TMOD3: variants seen among roughly 807,000 people sequenced by gnomAD.
The protein encoded by TMOD3 is tropomodulin-3.
TMOD3 carries 20 observed loss-of-function variants against 39.2 expected under a neutral mutation model. The observed-to-expected ratio is 0.51, with a 90% CI of 0.36 to 0.74. The LOEUF is 0.74. Ranked by LOEUF, TMOD3 falls within the 30% of genes least tolerant of loss-of-function variation. The pLI, the probability that TMOD3 is intolerant of heterozygous loss-of-function variation, is 0.00. For synonymous variants in TMOD3, 143 were observed against 145.8 expected (o/e 0.98, Z 0.14); for missense variants, 381 against 412.8 (o/e 0.92, Z 0.67).
intron 9 of TMOD3, among the ~76,000 whole-genome samples, chr15:51,908,548 C>G (rs2056693635): frequency 6.7e-6 from 1 of 150,036 alleles, no homozygotes; most frequent in Admixed American, 6.7e-5. Context: ...GCATGTAATT[C>G]TTTTGTTGAA....
intron 4 of TMOD3, 141 bp from the exon 5 acceptor site, chr15:51,888,915 T>C: frequency 1.7e-6 from 1 of 581,790 alleles, no homozygotes; most frequent in Non-Finnish European, 3.1e-6. Context: ...TGATTTTTAA[T>C]CATTTTGTTT....
At chr15:51,863,115 C>G in intron 2 of TMOD3, 105 bp downstream of exon 2, 2 of 1,182,566 alleles carry the variant, frequency 1.7e-6, no homozygotes, top group Non-Finnish European at 2.4e-6. Context: ...ACCTTCCACC[C>G]TTTCCTCCAC....
intron 2 of TMOD3, among the ~76,000 whole-genome samples, chr15:51,866,048 A>G (rs183197682): frequency 3.3e-5 from 5 of 152,328 alleles, no homozygotes; most frequent in South Asian, 2.1e-4. Context: ...GAAAATTTTT[A>G]TATGAAAAGT....
intron 9 of TMOD3, among the ~76,000 whole-genome samples, chr15:51,902,464 C>T (rs1001235977): frequency 6.6e-6 from 1 of 151,922 alleles, no homozygotes; most frequent in Non-Finnish European, 1.5e-5. Flanking sequence ...ATTTCTCACC[C>T]AGGTTTTTTG....
intron 3 of TMOD3, among the ~76,000 whole-genome samples, chr15:51,873,378 A>G (rs1416018051): frequency 6.6e-6 from 1 of 152,214 alleles, no homozygotes; most frequent in Non-Finnish European, 1.5e-5. Flanking sequence ...TTTCAGATTG[A>G]GGATGCTTTC....
Position 51,901,954 on chromosome 15 carries a change from T to C in TMOD3, c.942T>C (p.Asn314=). ...CCAAGATGCTTGAGGAAAATACAAA[T>C]ATCCTTAAATTTGGATATCAGTTTA... is the stretch of plus-strand genomic sequence containing the variant. ...EMAKMLEENT[N]ILKFGYQFTQ... The change falls in exon 9 of 10, where the codon AAT becomes AAC. Residue 314 remains asparagine, a synonymous_variant. Coordinates refer to ENST00000308580, the MANE Select transcript of TMOD3 (RefSeq NM_014547.5). 6.2e-7 allele frequency: 1 copy of C among 1,614,148 alleles called. No homozygotes were observed. The highest frequency in any genetic ancestry group is 8.5e-7 in the Non-Finnish European group (1 of 1,180,020).
intron 5 of TMOD3, among the ~76,000 whole-genome samples, chr15:51,893,415 T>C (rs1164728153): frequency 1.3e-5 from 2 of 151,510 alleles, no homozygotes; most frequent in Non-Finnish European, 2.9e-5. Flanking sequence ...TAAATATGCG[T>C]GTATGAGAGA....
At chr15:51,900,393 A>G (rs928166180) in intron 8 of TMOD3, 95 bp downstream of exon 8, 63 of 1,421,586 alleles carry the variant, frequency 4.4e-5, no homozygotes, top group Non-Finnish European at 5.6e-5. Flanking sequence ...GCGGGCTGTC[A>G]GGGATCCCTG....
At position 51,901,964 on chromosome 15, in the gene TMOD3, T is replaced by C. The variant is rs775976830; in HGVS notation, c.952T>C (p.Phe318Leu). 6.2e-7 allele frequency: 1 copy of C among 1,614,132 alleles called. No individual in the cohort carries two copies. The highest frequency in any genetic ancestry group is 1.7e-5 in the Admixed American group (1 of 60,020). ...TGAGGAAAATACAAATATCCTTAAA[T>C]TTGGATATCAGTTTACACAGCAGGG... ...MLEENTNILK[F>L]GYQFTQQGPR... Residue 318 changes from phenylalanine to leucine, a missense_variant, in exon 9 of 10, where the codon TTT becomes CTT. Transcript: ENST00000308580.
At chr15:51,900,073 A>T in intron 7 of TMOD3, 82 bp from the exon 8 acceptor site, 1 of 1,124,046 alleles carries the variant, frequency 8.9e-7, no homozygotes, top group Non-Finnish European at 1.3e-6. Context: ...GCAGTTAATT[A>T]ATGTATTTAT....
intron 1 of TMOD3, among the ~76,000 whole-genome samples, chr15:51,844,872 A>C (rs999641326): frequency 2.0e-5 from 3 of 152,192 alleles, no homozygotes; most frequent in African/African-American, 4.8e-5. Context: ...ACTACTGTTA[A>C]CTTTTTTTTC....
intron 3 of TMOD3, among the ~76,000 whole-genome samples, chr15:51,877,028 A>G (rs2570260): frequency 0.46 from 70,332 of 151,846 alleles, 16,494 homozygotes; most frequent in Admixed American, 0.54. Context: ...ATGCCACTGC[A>G]CTCCACCCTT....
intron 5 of TMOD3, among the ~76,000 whole-genome samples, chr15:51,893,161 G>T (rs1256456543): frequency 6.6e-6 from 1 of 151,740 alleles, no homozygotes; most frequent in Non-Finnish European, 1.5e-5. Context: ...CAGGCATGGT[G>T]ACACACGCCT....
At chr15:51,891,145 G>A (rs762901922) in intron 5 of TMOD3, among the ~76,000 whole-genome samples, 12 of 151,014 alleles carry the variant, frequency 7.9e-5, no homozygotes, top group Non-Finnish European at 1.8e-4. Flanking sequence ...CCAAAATGTC[G>A]TTTCATGATT....
rs376430473 is a variant in TMOD3, at chr15:51,906,223, T to C, written c.1025-2553T>C. Among the ~76,000 whole-genome samples the C allele has an allele frequency of 1.8e-4, 27 of 152,290 alleles. No homozygotes were observed. The South Asian group carries it at 5.4e-3, about 30-fold the overall frequency. On this transcript the variant is annotated intron_variant, in intron 9 of 9. Transcript: ENST00000308580. The stretch of plus-strand genomic sequence containing the variant: ...TGACCTCTGCCTAATAGATAAAGAT[T>C]GAAAAGCCTGAAGACCATGTTTTCT...
intron 1 of TMOD3, among the ~76,000 whole-genome samples, chr15:51,855,235 T>G (rs2056382197): frequency 6.6e-6 from 1 of 152,224 alleles, no homozygotes; most frequent in African/African-American, 2.4e-5. Context: ...TCTAGAGCAG[T>G]AGATCTCAAA....
In TMOD3 at chr15:51,872,943, A is replaced by C. The variant is rs111394464; in HGVS notation, c.283+3570A>C. Among the ~76,000 whole-genome samples, 1,453 of 152,326 alleles carry C rather than the reference A, an allele frequency of 9.5e-3. 22 individuals carry two copies. The highest frequency in any genetic ancestry group is 0.034 in the African/African-American group (1,409 of 41,570). On this transcript the variant is annotated intron_variant, in intron 3 of 9. Coordinates refer to ENST00000308580, the MANE Select transcript of TMOD3 (RefSeq NM_014547.5). ...AAGCACATACTATCAGATGTGGTAG[A>C]ATCAAGCCTTATAAGCCATGTCACA...
chr15:51,908,810 A>G lies in TMOD3; in HGVS notation c.1059A>G (p.Ter353=), dbSNP rs1218330378. ...GACGAGTTGAAGGAGATCACCAGTA[A>G]GTCTGCAAAGGTGTAATCTTTGGAA... is the stretch of plus-strand genomic sequence containing the variant. ...RKRRVEGDHQ[*] Residue 353 remains the stop codon, a stop_retained_variant, in exon 10 of 10, where the codon TAA becomes TAG. Coordinates refer to ENST00000308580, the MANE Select transcript of TMOD3 (RefSeq NM_014547.5). 6.2e-7 allele frequency: 1 copy of G among 1,607,334 alleles called. No homozygotes were observed.
At chr15:51,876,842 C>G (rs1219929205) in intron 3 of TMOD3, among the ~76,000 whole-genome samples, 1 of 152,030 alleles carries the variant, frequency 6.6e-6, no homozygotes, top group African/African-American at 2.4e-5. Flanking sequence ...GGGAGGATCA[C>G]TTGAGGTCAG....
Sources: gnomAD v4.1 joint callset for allele counts (sites outside exome capture counted in the v4.1 genomes callset) on GRCh38, gnomAD v4.1.1 for gene constraint, MANE v1.5 for transcripts, NCBI Gene and HGNC (gene_info 2026-07-23, HGNC 2026-07-21) for gene names.